Variants in NALF1 observed in about 807,000 individuals in gnomAD.
NALF1 encodes the protein NALCN channel auxiliary factor 1, also known as family with sequence similarity 155 member A.
Under a neutral mutation model 48.4 loss-of-function variants are expected in NALF1, and 3 were observed. The ratio of observed to expected loss-of-function variants is 0.06; its 90% confidence interval spans 0.03 to 0.16. NALF1 has a LOEUF of 0.16. Ranked by LOEUF, NALF1 falls within the 10% of genes least tolerant of loss-of-function variation. NALF1 has a pLI of 1.00. For synonymous variants in NALF1, 262 were observed against 245.7 expected (o/e 1.07, Z -0.62); for missense variants, 526 against 571.5 (o/e 0.92, Z 0.81).
chr13:107,757,215 C>T (rs1877126055), intron 1 of NALF1, among the ~76,000 whole-genome samples: 1 of 152,072 alleles, frequency 6.6e-6, no homozygotes, highest in South Asian at 2.1e-4. Flanking sequence ...TATGATATAT[C>T]TGGCAAAGTG....
chr13:107,434,030 G>A (rs1340059633), intron 1 of NALF1, among the ~76,000 whole-genome samples: 1 of 152,114 alleles, frequency 6.6e-6, no homozygotes, highest in Admixed American at 6.5e-5. Flanking sequence ...TGTAATAGAA[G>A]ATCAAAAAAA....
intron 1 of NALF1, among the ~76,000 whole-genome samples, chr13:107,233,571 A>AC (rs59289249): frequency 0.36 from 53,996 of 151,972 alleles, 10,043 homozygotes; most frequent in East Asian, 0.61. Context: ...AGTGGAAAAC[A>AC]CCCCCAACAG....
Position 107,241,118 on chromosome 13 carries a change from C to T in NALF1, c.916-30363G>A, listed in dbSNP as rs554518530. Reference sequence around the variant, plus strand: ...CTGAGGCAGGAGAATTGCTTGAAACCGGGAGGCAGAGGTTGCAGTGAGCCG... The same window carrying T: ...CTGAGGCAGGAGAATTGCTTGAAACTGGGAGGCAGAGGTTGCAGTGAGCCG... On this transcript the variant is annotated intron_variant, in intron 1 of 2. Coordinates refer to ENST00000375915, the MANE Select transcript of NALF1 (RefSeq NM_001080396.3). Among the ~76,000 whole-genome samples the T allele has an allele frequency of 2.6e-5, 4 of 151,064 alleles. No individual in the cohort carries two copies. The East Asian group carries it at 7.8e-4, about 29-fold the overall frequency.
intron 1 of NALF1, among the ~76,000 whole-genome samples, chr13:107,755,751 G>A (rs548207765): frequency 3.9e-5 from 6 of 152,120 alleles, no homozygotes; most frequent in South Asian, 2.1e-4. Context: ...ACAATCTACC[G>A]CAGACTTGGA....
intron 1 of NALF1, among the ~76,000 whole-genome samples, chr13:107,504,922 G>A (rs567295709): frequency 1.3e-5 from 2 of 152,170 alleles, no homozygotes; most frequent in South Asian, 2.1e-4. Context: ...TACCAAGCCT[G>A]GTTTCAGGTC....
At chr13:107,467,295 AT>A (rs1566354396) in intron 1 of NALF1, among the ~76,000 whole-genome samples, 1 of 152,200 alleles carries the variant, frequency 6.6e-6, no homozygotes, top group South Asian at 2.1e-4. Context: ...AATCTGTCCG[AT>A]TTTGGCACCT....
At chr13:107,678,999 G>GAC (rs1484411364) in intron 1 of NALF1, among the ~76,000 whole-genome samples, 1 of 152,190 alleles carries the variant, frequency 6.6e-6, no homozygotes, top group African/African-American at 2.4e-5. Flanking sequence ...GGTGGTTTGA[G>GAC]ACGTATTTGT....
At chr13:107,650,349 G>A (rs1274493872) in intron 1 of NALF1, among the ~76,000 whole-genome samples, 1 of 131,540 alleles carries the variant, frequency 7.6e-6, no homozygotes, top group Non-Finnish European at 1.6e-5. Context: ...AAAATCAGAT[G>A]TTCTTGGCCA....
chr13:107,299,408 C>T (rs1163430753), intron 1 of NALF1, among the ~76,000 whole-genome samples: 1 of 149,952 alleles, frequency 6.7e-6, no homozygotes, highest in Non-Finnish European at 1.5e-5. Context: ...CGCACTCCAG[C>T]CTGGGCTACA....
At chr13:107,741,527 A>AGCACGGAT (rs11282450) in intron 1 of NALF1, among the ~76,000 whole-genome samples, 146,909 of 152,160 alleles carry the variant, frequency 0.97, 70,977 homozygotes, top group East Asian at 1. Context: ...CAGGTATTTA[A>AGCACGGAT]CACTGAGAAA....
intron 1 of NALF1, among the ~76,000 whole-genome samples, chr13:107,381,712 T>C (rs1566318625): frequency 1.3e-5 from 2 of 152,158 alleles, no homozygotes; most frequent in Non-Finnish European, 2.9e-5. Flanking sequence ...TGATGATGCC[T>C]GGGGGCACCA....
At chr13:107,181,838 T>C (rs1879069227) in intron 2 of NALF1, among the ~76,000 whole-genome samples, 1 of 152,146 alleles carries the variant, frequency 6.6e-6, no homozygotes, top group South Asian at 2.1e-4. Context: ...ACATTCTTTG[T>C]CGTTATAAAG....
intron 1 of NALF1, among the ~76,000 whole-genome samples, chr13:107,661,285 T>A (rs927089125): frequency 3.3e-5 from 5 of 152,208 alleles, no homozygotes; most frequent in African/African-American, 4.8e-5. Flanking sequence ...AACCTTTTCA[T>A]CACTAGAAAT....
At chr13:107,411,217 T>C (rs1323669) in intron 1 of NALF1, among the ~76,000 whole-genome samples, 33,421 of 152,036 alleles carry the variant, frequency 0.22, 4,100 homozygotes, top group Middle Eastern at 0.28. Context: ...TTTTTCTTTG[T>C]TGCAGTGCTC....
At chr13:107,216,584 C>T (rs989489110) in intron 1 of NALF1, among the ~76,000 whole-genome samples, 1 of 152,170 alleles carries the variant, frequency 6.6e-6, no homozygotes, top group East Asian at 1.9e-4. Context: ...TGAAGTAAAA[C>T]GCAAATGTCT....
rs1223783094 is a variant in NALF1 at position 107,170,294 on chromosome 13, T to TAA, written c.*201_*202dup. ...AGTGTATAAAATGGTGTGAGAAATT[T>TAA]AAAGTCACTTTCCAGCCTTTTAGTC... On this transcript the variant is annotated 3_prime_UTR_variant, in exon 3 of 3. Transcript: ENST00000375915. 1.9e-6 allele frequency: 1 copy of TAA among 524,770 alleles called. No individual in the cohort carries two copies. The highest frequency in any genetic ancestry group is 2.9e-5 in the East Asian group (1 of 34,754). 32.5% of individuals were successfully genotyped at this position (524,770 alleles called of 1,614,324 possible). A position where few individuals can be genotyped will look rare whatever the true frequency, so the allele number is the denominator to read the frequency against.
chr13:107,288,877 C>G (rs185882377), intron 1 of NALF1, among the ~76,000 whole-genome samples: 1 of 152,278 alleles, frequency 6.6e-6, no homozygotes, highest in East Asian at 1.9e-4. Flanking sequence ...AATGATGCAG[C>G]TAACACTCTC....
chr13:107,594,972 C>T (rs17348886), intron 1 of NALF1, among the ~76,000 whole-genome samples: 5,563 of 152,052 alleles, frequency 0.037, 133 homozygotes, highest in South Asian at 0.067. Flanking sequence ...ACTTTCAGAT[C>T]CATAGTTTAT....
chr13:107,683,011 C>A (rs1881342698), intron 1 of NALF1, among the ~76,000 whole-genome samples: 2 of 152,018 alleles, frequency 1.3e-5, no homozygotes, highest in South Asian at 4.2e-4. Flanking sequence ...ACCTGTAATC[C>A]CAGCACTTTG....
Sources: gnomAD v4.1 joint callset for allele counts (sites outside exome capture counted in the v4.1 genomes callset) on GRCh38, gnomAD v4.1.1 for gene constraint, MANE v1.5 for transcripts, NCBI Gene and HGNC (gene_info 2026-07-23, HGNC 2026-07-21) for gene names.